The following GCC2 variants were observed in gnomAD, a reference collection of about 807,000 sequenced individuals.
GCC2 encodes the protein GRIP and coiled-coil domain-containing protein 2.
Under a neutral mutation model 210.6 loss-of-function variants are expected in GCC2, and 120 were observed. The ratio of observed to expected loss-of-function variants is 0.57; its 90% CI spans 0.49 to 0.66. The LOEUF (loss-of-function observed/expected upper bound fraction) is 0.66, where lower values mean the gene tolerates loss of function less well. Ranked by LOEUF, GCC2 falls within the 30% of genes least tolerant of loss-of-function variation. The probability of loss-of-function intolerance (pLI) is 0.00; values close to 1 mark genes in which losing one functional copy is unlikely to be tolerated. For missense variants in GCC2, 1,868 were observed against 1,871.9 expected (o/e 1.00, Z 0.04); for synonymous variants, 703 against 652.7 (o/e 1.08, Z -1.17).
Position 108,487,718 on chromosome 2 carries a change from C to T in GCC2, c.3950C>T (p.Thr1317Ile), listed in dbSNP as rs368522198. The part of the protein sequence containing the change: ...RAAKAEQATV[T>I]SEFESYKVRV... ...TTATAGGCAGAACAAGCTACTGTAA[C>T]CTCTGAATTCGAGAGCTACAAAGTC... The change falls in exon 17 of 23, where the codon ACC becomes ATC. Residue 1317 changes from threonine to isoleucine, a missense_variant. By Grantham distance (89) the Thr-to-Ile change is moderately conservative (BLOSUM62 -1). Around this residue, in one of 3 missense-constraint regions of GCC2, gnomAD observed 1,847 missense variants for 1,765.2 expected, o/e 1.05. Coordinates refer to ENST00000309863, the MANE Select transcript of GCC2 (RefSeq NM_181453.4). The T allele has an allele frequency of 1.2e-6, 2 of 1,613,124 alleles. No individual in the cohort carries two copies. Among genetic ancestry groups the T allele is most frequent in the Non-Finnish European group, 8.5e-7 (1 of 1,179,412 alleles).
At position 108,470,664 on chromosome 2, in the gene GCC2, G is replaced by T. The variant is rs978383532; in HGVS notation, c.1335G>T (p.Leu445Phe). The T allele has an allele frequency of 3.7e-6, 6 of 1,611,548 alleles. No individual in the cohort carries two copies. Among genetic ancestry groups the T allele is most frequent in the Admixed American group, 1.7e-5 (1 of 59,766 alleles). The change falls in exon 6 of 23, where the codon TTG becomes TTT. Residue 445 changes from leucine (L) to phenylalanine (F), a missense_variant. Leu to Phe is a conservative substitution (Grantham distance 22). This residue lies in a region of GCC2 where 1,847 missense variants were observed against 1,765.2 expected (regional missense o/e 1.05). Coordinates refer to ENST00000309863, the MANE Select transcript of GCC2 (RefSeq NM_181453.4). ...TATCAGAACTAAATGAGACATTTTT[G>T]TCAGATTCAGAAAAAGAAAAATTAA... is the stretch of plus-strand genomic sequence containing the variant. Reference protein sequence around the residue: ...KEISELNETFLSDSEKEKLTL... With the variant: ...KEISELNETFFSDSEKEKLTL...
intron 18 of GCC2, 56 bp from the exon 19 acceptor site, chr2:108,492,517 C>A: frequency 8.6e-7 from 1 of 1,158,634 alleles, no homozygotes; most frequent in Non-Finnish European, 1.3e-6. Flanking sequence ...TTGAGAAAGG[C>A]TAAGTCAGCA....
intron 10 of GCC2, 114 bp downstream of exon 10, chr2:108,481,930 C>G (rs193190841): frequency 1.3e-4 from 94 of 696,692 alleles, no homozygotes; most frequent in Middle Eastern, 8.5e-4. Context: ...ATTCCCCCCC[C>G]ACTTTACCCT....
At chr2:108,451,156 C>A in intron 3 of GCC2, 44 bp downstream of exon 3, 1 of 1,216,742 alleles carries the variant, frequency 8.2e-7, no homozygotes, top group Non-Finnish European at 1.2e-6. Flanking sequence ...TCTCTTTAAT[C>A]GTGGTTTAAA....
intron 4 of GCC2, among the ~76,000 whole-genome samples, chr2:108,462,309 A>G (rs1282184924): frequency 2.1e-5 from 3 of 144,612 alleles, no homozygotes; most frequent in Admixed American, 6.9e-5. Context: ...TGGCTAACAC[A>G]GTGAAACCCC....
At chr2:108,450,882 A>C (rs774795459) in intron 2 of GCC2, 146 bp from the exon 3 acceptor site, 1 of 419,136 alleles carries the variant, frequency 2.4e-6, no homozygotes, top group Non-Finnish European at 4.4e-6. Flanking sequence ...ACTCTGTCTC[A>C]AAAAAAAAAT....
chr2:108,495,473 G>A lies in GCC2; in HGVS notation c.4630G>A (p.Glu1544Lys), dbSNP rs748300058. The A allele has an allele frequency of 2.5e-5, 39 of 1,589,838 alleles. No individual in the cohort carries two copies. The highest frequency in any genetic ancestry group is 4.5e-5 in the East Asian group (2 of 44,826). The change falls in exon 20 of 23, where the codon GAA (glutamate) becomes AAA (lysine). Residue 1544 changes from glutamate (E) to lysine (K), a missense_variant. Transcript: ENST00000309863. ...TTTAGAGCAGCTGCTTAACTCTCCC[G>A]AAACTAAACTTGGTATGTTACTCTG... ...QSLEQLLNSP[E>K]TKLEPPLWHA...
chr2:108,464,233 A>G (rs1680752560), intron 4 of GCC2, among the ~76,000 whole-genome samples: 1 of 152,106 alleles, frequency 6.6e-6, no homozygotes, highest in Admixed American at 6.5e-5. Flanking sequence ...GCGTCGGCCC[A>G]CAGCGGTCTT....
rs901543309 is a variant in GCC2, at chr2:108,461,067, C to G, written c.217-7913C>G. Among the ~76,000 whole-genome samples the G allele has an allele frequency of 4.6e-5, 7 of 152,332 alleles. No individual in the cohort carries two copies. In the South Asian group the frequency reaches 8.3e-4, roughly 18 times the overall value. The stretch of plus-strand genomic sequence containing the variant: ...TAATCTCTTTTCTTTATAAATTACC[C>G]AGGCTCAGATAGTTCTTTACAGCAG... On this transcript the variant is annotated intron_variant, in intron 4 of 22. Coordinates refer to ENST00000309863, the MANE Select transcript of GCC2 (RefSeq NM_181453.4).
At chr2:108,483,721 ATTG>A (rs1681989811) in intron 12 of GCC2, among the ~76,000 whole-genome samples, 1 of 152,152 alleles carries the variant, frequency 6.6e-6, no homozygotes, top group African/African-American at 2.4e-5. Context: ...TGTATACATG[ATTG>A]TTGTATGACA....
Position 108,471,852 on chromosome 2 carries a change from T to C in GCC2, c.2523T>C (p.Val841=), listed in dbSNP as rs1168245988. 1 of 1,613,206 alleles carries C rather than the reference T, an allele frequency of 6.2e-7. No individual in the cohort carries two copies. The highest frequency in any genetic ancestry group is 1.1e-5 in the South Asian group (1 of 90,944). The change falls in exon 6 of 23, where the codon GTT becomes GTC. Residue 841 remains valine (V), a synonymous_variant. Coordinates refer to ENST00000309863, the MANE Select transcript of GCC2 (RefSeq NM_181453.4). ...SLLRDYEQEK[V]LLRKELEEIQ... is the part of the protein sequence containing the mutation. ...TGAGAGACTATGAGCAAGAGAAAGT[T>C]CTCTTAAGGAAAGAGTTAGAAGAAA... is the stretch of plus-strand genomic sequence containing the variant.
At chr2:108,450,443 T>A (rs923369596) in intron 2 of GCC2, among the ~76,000 whole-genome samples, 8 of 152,246 alleles carry the variant, frequency 5.3e-5, no homozygotes, top group African/African-American at 1.7e-4. Context: ...CCTACTGATT[T>A]TACAATTAAA....
In GCC2 at chr2:108,452,426, G is replaced by T. The variant is rs763398963; in HGVS notation, c.176G>T (p.Arg59Ile). The change falls in exon 4 of 23, where the codon AGA becomes ATA. Residue 59 changes from arginine (R) to isoleucine (I), a missense_variant. By Grantham distance (97) the Arg-to-Ile change is moderately conservative (BLOSUM62 -3). This residue lies in a region of GCC2 where 1,847 missense variants were observed against 1,765.2 expected (regional missense o/e 1.05). Coordinates refer to ENST00000309863, the MANE Select transcript of GCC2 (RefSeq NM_181453.4). ...TELEKEIEEL[R>I]SKPVTEGTGD... ...TTGGAGAAAGAAATTGAAGAACTCA[G>T]ATCAAAACCTGTTACTGAAGGAACT... 2.6e-6 allele frequency: 4 copies of T among 1,553,224 alleles called. No individual in the cohort carries two copies. Among genetic ancestry groups the T allele is most frequent in the Non-Finnish European group, 3.6e-6 (4 of 1,125,062 alleles).
At chr2:108,451,928 C>T (rs548828932) in intron 3 of GCC2, among the ~76,000 whole-genome samples, 1 of 151,390 alleles carries the variant, frequency 6.6e-6, no homozygotes, top group Admixed American at 6.6e-5. Flanking sequence ...ACTGCAACCT[C>T]CCCTTCCCGG....
At chr2:108,492,981 CT>C (rs1335224772) in intron 19 of GCC2, among the ~76,000 whole-genome samples, 191 bp downstream of exon 19, 2 of 152,200 alleles carry the variant, frequency 1.3e-5, no homozygotes, top group Non-Finnish European at 2.9e-5. Context: ...CTTCATTATA[CT>C]TACAGAAGTC....
At chr2:108,472,277 T>C (rs574249270) in intron 6 of GCC2, among the ~76,000 whole-genome samples, 161 bp downstream of exon 6, 3 of 152,290 alleles carry the variant, frequency 2.0e-5, no homozygotes, top group Admixed American at 1.3e-4. Flanking sequence ...CCATGTTGTA[T>C]GTCCAGTTTA....
intron 22 of GCC2, among the ~76,000 whole-genome samples, chr2:108,501,870 A>G (rs923768005): frequency 6.6e-6 from 1 of 152,070 alleles, no homozygotes; most frequent in Non-Finnish European, 1.5e-5. Flanking sequence ...CTGGTTTTTT[A>G]TAATCTTTCT....
chr2:108,486,822 C>G lies in GCC2; in HGVS notation c.3930+174C>G, dbSNP rs3754924. Among the ~76,000 whole-genome samples the G allele has an allele frequency of 8.7e-4, 132 of 152,284 alleles. No homozygotes were observed. In the East Asian group the frequency reaches 0.014, roughly 16 times the overall value. On this transcript the variant is annotated intron_variant, in intron 16 of 22. Transcript: ENST00000309863. ...ACCCCAATCCCATGCCAACCCTAATCGTAAGTTGGATCACTTTTTTTGCCA... is the reference window on the plus strand; with the variant it reads ...ACCCCAATCCCATGCCAACCCTAATGGTAAGTTGGATCACTTTTTTTGCCA...
chr2:108,480,919 A>T (rs956871415), intron 9 of GCC2, among the ~76,000 whole-genome samples: 4 of 152,234 alleles, frequency 2.6e-5, no homozygotes, highest in African/African-American at 7.2e-5. Context: ...AAAATTTTTT[A>T]AAAACACCAT....
Sources: gnomAD v4.1 joint callset for allele counts (sites outside exome capture counted in the v4.1 genomes callset) on GRCh38, gnomAD v4.1.1 for gene constraint, gnomAD v4.1.1 regional missense constraint, MANE v1.5 for transcripts, NCBI Gene and HGNC (gene_info 2026-07-23, HGNC 2026-07-21) for gene names.